CACNA1E: variants seen among roughly 807,000 people sequenced by gnomAD.
CACNA1E encodes the protein voltage-dependent R-type calcium channel subunit alpha-1E.
A neutral mutation model predicts 259.2 loss-of-function variants in CACNA1E; 40 were observed. The ratio of observed to expected loss-of-function variants is 0.15; its 90% CI spans 0.12 to 0.20. The LOEUF is 0.20. Among genes scored for constraint, CACNA1E ranks in the 10% least tolerant of loss-of-function variants. The pLI is 1.00. For missense variants in CACNA1E, 1,874 were observed against 3,040.1 expected, an observed-to-expected ratio of 0.62 and a Z score of 9.02; for synonymous variants, 1,104 against 1,138.5, an observed-to-expected ratio of 0.97 and a Z score of 0.61.
chr1:181,462,868 G>A (rs1395018651), intron 2 of CACNA1E, among the ~76,000 whole-genome samples: 1 of 152,140 alleles, frequency 6.6e-6, no homozygotes, highest in Admixed American at 6.5e-5. Flanking sequence ...GAACTCCATT[G>A]TATAAATAAA....
intron 6 of CACNA1E, among the ~76,000 whole-genome samples, chr1:181,586,599 C>A (rs1374680507): frequency 6.6e-6 from 1 of 152,102 alleles, no homozygotes; most frequent in Non-Finnish European, 1.5e-5. Context: ...AGAGGATGAT[C>A]AAGTCAGTTC....
In CACNA1E at chr1:181,733,553, C is replaced by CGGAGCA. The variant is rs758344723; in HGVS notation, c.3071_3076dup (p.Gln1024_Glu1025dup). ...GAAGTGGGGAAGCACGTGGTGCTGA[C>CGGAGCA]GGAGCAGGAGCCAGAAGGCAGCAGT... On this transcript the variant is annotated inframe_insertion, in exon 21 of 48. Transcript: ENST00000367573. 2.5e-6 allele frequency: 4 copies of CGGAGCA among 1,612,514 alleles called. No homozygotes were observed. The East Asian group carries it at 8.9e-5, about 36-fold the overall frequency.
intron 3 of CACNA1E, among the ~76,000 whole-genome samples, chr1:181,570,984 A>G (rs1650352137): frequency 6.6e-6 from 1 of 152,202 alleles, no homozygotes; most frequent in Non-Finnish European, 1.5e-5. Flanking sequence ...AGTTCCTGGT[A>G]TCTTCTCAGT....
At chr1:181,493,669 C>T (rs1358959432) in intron 1 of CACNA1E, among the ~76,000 whole-genome samples, 1 of 152,120 alleles carries the variant, frequency 6.6e-6, no homozygotes, top group Non-Finnish European at 1.5e-5. Context: ...GCACATGTGG[C>T]CCTTAAGGAC....
intron 1 of CACNA1E, among the ~76,000 whole-genome samples, chr1:181,401,718 A>G (rs570256697): frequency 6.6e-6 from 1 of 152,308 alleles, no homozygotes; most frequent in South Asian, 2.1e-4. Flanking sequence ...TGAAAACTGC[A>G]CGGATTTTTA....
intron 46 of CACNA1E, among the ~76,000 whole-genome samples, 153 bp downstream of exon 46, chr1:181,795,197 A>G (rs1055647169): frequency 1.3e-5 from 2 of 152,230 alleles, no homozygotes; most frequent in African/African-American, 4.8e-5. Context: ...GAATTCCTGT[A>G]TCTGACTTAC....
In CACNA1E at chr1:181,737,521, G is replaced by T. The variant is rs1212405193; in HGVS notation, c.3423-4G>T. On this transcript the variant is annotated splice_region_variant and splice_polypyrimidine_tract_variant and intron_variant, in intron 22 of 47. Transcript: ENST00000367573. ...GCCAGCTCAGCCATGCCCACTGCCC[G>T]CAGGATCCGGAGGGCCTGCCACTAC... The T allele has an allele frequency of 1.9e-6, 3 of 1,613,510 alleles. No homozygotes were observed. The highest frequency in any genetic ancestry group is 2.2e-5 in the East Asian group (1 of 44,878).
At chr1:181,442,403 CAT>C (rs1225465224) in intron 2 of CACNA1E, among the ~76,000 whole-genome samples, 11 of 138,496 alleles carry the variant, frequency 7.9e-5, no homozygotes, top group African/African-American at 2.4e-4. Flanking sequence ...TGTGGGGGAA[CAT>C]GTGTGAAGGG....
In CACNA1E at chr1:181,530,435, T is replaced by C. The variant is rs564805997; in HGVS notation, c.512+18925T>C. Among the ~76,000 whole-genome samples the C allele has an allele frequency of 7.2e-5, 11 of 152,340 alleles. No homozygotes were observed. In the South Asian group the frequency reaches 2.1e-3, roughly 29 times the overall value. ...GAATATAGCAGATTTTTAATACTTA[T>C]GTGTAGCTGACAGTTTGACTGTGAA... On this transcript the variant is annotated intron_variant, in intron 3 of 47. Coordinates refer to ENST00000367573, the MANE Select transcript of CACNA1E (RefSeq NM_001205293.3).
chr1:181,350,201 T>A (rs532606487), intron 1 of CACNA1E, among the ~76,000 whole-genome samples: 2 of 152,350 alleles, frequency 1.3e-5, no homozygotes, highest in South Asian at 4.1e-4. Flanking sequence ...TTCTCCATTT[T>A]AATTTTGGGA....
chr1:181,698,643 A>G (rs936738972), intron 7 of CACNA1E, among the ~76,000 whole-genome samples: 1 of 152,088 alleles, frequency 6.6e-6, no homozygotes, highest in Non-Finnish European at 1.5e-5. Flanking sequence ...AAAAGTGCAT[A>G]GCCTACCACA....
intron 1 of CACNA1E, among the ~76,000 whole-genome samples, chr1:181,408,393 A>C (rs16857239): frequency 0.12 from 18,029 of 152,192 alleles, 1,181 homozygotes; most frequent in South Asian, 0.27. Flanking sequence ...CTAAAGCAGT[A>C]AAAAATAGAT....
At chr1:181,590,942 A>G (rs1364997563) in intron 6 of CACNA1E, among the ~76,000 whole-genome samples, 1 of 152,194 alleles carries the variant, frequency 6.6e-6, no homozygotes, top group Non-Finnish European at 1.5e-5. Context: ...GATGCCATTG[A>G]TTATATACTC....
intron 1 of CACNA1E, among the ~76,000 whole-genome samples, chr1:181,323,657 A>G (rs1650544905): frequency 6.6e-6 from 1 of 152,248 alleles, no homozygotes; most frequent in Admixed American, 6.5e-5. Context: ...GCTGTGAGGA[A>G]CATTTTATAT....
chr1:181,647,448 T>C (rs951100624), intron 6 of CACNA1E, among the ~76,000 whole-genome samples: 6 of 152,070 alleles, frequency 3.9e-5, no homozygotes, highest in African/African-American at 1.4e-4. Flanking sequence ...TGAGTGATTC[T>C]CCCTCTCACA....
chr1:181,618,385 T>C (rs1655420834), intron 6 of CACNA1E, among the ~76,000 whole-genome samples: 1 of 152,112 alleles, frequency 6.6e-6, no homozygotes, highest in African/African-American at 2.4e-5. Flanking sequence ...GCCAACATGG[T>C]GAAAGCTTGT....
In CACNA1E at chr1:181,517,849, G is replaced by A. The variant is rs181639361; in HGVS notation, c.512+6339G>A. On this transcript the variant is annotated intron_variant, in intron 3 of 47. Coordinates refer to ENST00000367573, the MANE Select transcript of CACNA1E (RefSeq NM_001205293.3). ...GTTTCCTGAGCAGCTAAAGATCGAG[G>A]AAAGCAGAGTTTTCCTCAGCACTGT... Among the ~76,000 whole-genome samples the A allele has an allele frequency of 2.9e-3, 446 of 152,294 alleles. 2 individuals carry two copies. The highest frequency in any genetic ancestry group is 5.5e-3 in the Non-Finnish European group (375 of 68,028).
At chr1:181,580,839 G>A in intron 6 of CACNA1E, 63 bp downstream of exon 6, 2 of 1,514,740 alleles carry the variant, frequency 1.3e-6, no homozygotes, top group Non-Finnish European at 1.8e-6. Context: ...GGCTTCTGTG[G>A]TTGTTTGGCC....
chr1:181,560,282 A>G (rs1034126259), intron 3 of CACNA1E, among the ~76,000 whole-genome samples: 8 of 83,038 alleles, frequency 9.6e-5, no homozygotes, highest in Non-Finnish European at 2.9e-5. Flanking sequence ...TTTCCATTGG[A>G]AAAAAAATCA....
Sources: gnomAD v4.1 joint callset for allele counts (sites outside exome capture counted in the v4.1 genomes callset) on GRCh38, gnomAD v4.1.1 for gene constraint, MANE v1.5 for transcripts, NCBI Gene and HGNC (gene_info 2026-07-23, HGNC 2026-07-21) for gene names.